Variants in GRM7 observed in about 807,000 individuals in gnomAD.
GRM7 encodes metabotropic glutamate receptor 7.
Under a neutral mutation model 84.5 loss-of-function variants are expected in GRM7, and 35 were observed. That is an observed-to-expected ratio of 0.41 (90% CI 0.32 to 0.55). The LOEUF (loss-of-function observed/expected upper bound fraction) is 0.55, where lower values mean the gene tolerates loss of function less well. Ranked by LOEUF, GRM7 falls within the 20% of genes least tolerant of loss-of-function variation. The pLI is 0.19. For synonymous variants in GRM7, 487 were observed against 455.1 expected, an observed-to-expected ratio of 1.07 and a Z score of -0.89; for missense variants, 1,003 against 1,194.6, an observed-to-expected ratio of 0.84 and a Z score of 2.36.
At chr3:7,130,543 CAAAAAAAAAAAGAAAA>C (rs1290628072) in intron 1 of GRM7, among the ~76,000 whole-genome samples, 1 of 79,176 alleles carries the variant, frequency 1.3e-5, no homozygotes, top group Non-Finnish European at 2.5e-5. Context: ...ATTCTTGTCT[CAAAAAAAAAAAGAAAA>C]GAAAAAAAAA....
chr3:6,868,375 G>T (rs146835487), intron 1 of GRM7, among the ~76,000 whole-genome samples: 147 of 152,262 alleles, frequency 9.7e-4, no homozygotes, highest in African/African-American at 3.4e-3. Context: ...TTGCTTAAGC[G>T]TATCTATTTA....
rs553496863 is a variant in GRM7 at position 7,132,676 on chromosome 3, G to A, written c.520-13776G>A. 4.6e-5 allele frequency among the ~76,000 whole-genome samples: 7 copies of A among 152,234 alleles called. No homozygotes were observed. In the South Asian group the frequency reaches 6.2e-4, roughly 14 times the overall value. On this transcript the variant is annotated intron_variant, in intron 1 of 9. Coordinates refer to ENST00000357716, the MANE Select transcript of GRM7 (RefSeq NM_000844.4). ...TTTTTTGTCAAGTAAGCCTCTTTCAGGAAATCAAAGGATCAACACAGATTT... is the reference window on the plus strand; with the variant it reads ...TTTTTTGTCAAGTAAGCCTCTTTCAAGAAATCAAAGGATCAACACAGATTT...
At chr3:7,039,214 G>C (rs234790) in intron 1 of GRM7, among the ~76,000 whole-genome samples, 57,317 of 152,062 alleles carry the variant, frequency 0.38, 12,401 homozygotes, top group East Asian at 0.51. Context: ...GAGTTTGCAT[G>C]GTTCCTTTCA....
rs1379610467 is a variant in GRM7, at chr3:6,866,077, A to G, written c.519+4170A>G. On this transcript the variant is annotated intron_variant, in intron 1 of 9. Coordinates refer to ENST00000357716, the MANE Select transcript of GRM7 (RefSeq NM_000844.4). ...ATCTCCATGTGTATTTCGTGTATAC[A>G]TACCCATGCAATTAAGATGTCTTTG... Among the ~76,000 whole-genome samples the G allele has an allele frequency of 2.0e-5, 3 of 152,358 alleles. No individual in the cohort carries two copies. In the East Asian group the frequency reaches 5.8e-4, roughly 29 times the overall value.
chr3:7,135,213 G>C (rs1693733952), intron 1 of GRM7, among the ~76,000 whole-genome samples: 1 of 152,188 alleles, frequency 6.6e-6, no homozygotes, highest in Admixed American at 6.5e-5. Flanking sequence ...CATCCTATGT[G>C]AGCAGAGATG....
At chr3:7,263,470 G>A (rs1698515052) in intron 2 of GRM7, among the ~76,000 whole-genome samples, 1 of 152,146 alleles carries the variant, frequency 6.6e-6, no homozygotes, top group Non-Finnish European at 1.5e-5. Context: ...CAGGGTGCTA[G>A]CAGGTGATGT....
chr3:6,964,103 G>A (rs997747083), intron 1 of GRM7, among the ~76,000 whole-genome samples: 3 of 152,120 alleles, frequency 2.0e-5, no homozygotes, highest in Non-Finnish European at 4.4e-5. Context: ...ATCAGCAATA[G>A]CCCCTTAATC....
At chr3:7,629,082 TA>T (rs879635133) in intron 8 of GRM7, among the ~76,000 whole-genome samples, 1 of 151,832 alleles carries the variant, frequency 6.6e-6, no homozygotes, top group Non-Finnish European at 1.5e-5. Context: ...GAAGGCTCTG[TA>T]AAAAAAAGGA....
chr3:7,484,341 A>T (rs1364393031), intron 7 of GRM7, among the ~76,000 whole-genome samples: 3 of 152,154 alleles, frequency 2.0e-5, no homozygotes, highest in Non-Finnish European at 4.4e-5. Context: ...TGCCAGTAGT[A>T]ATATTTTCTT....
rs1559313461 is a variant in GRM7, at chr3:7,426,126, C to CTTTTTCT, written c.1174+10968_1174+10969insCTTTTTT. The stretch of plus-strand genomic sequence containing the variant: ...TCTTTCTTTCTTTCTTTTTCTTTTT[C>CTTTTTCT]TTTTTTTTTTGAGATGGAGTTTTGC... On this transcript the variant is annotated intron_variant, in intron 5 of 9. Transcript: ENST00000357716. Among the ~76,000 whole-genome samples the CTTTTTCT allele has an allele frequency of 1.3e-3, 189 of 148,004 alleles. 1 individual carries two copies. The highest frequency in any genetic ancestry group is 4.1e-3 in the African/African-American group (165 of 40,370).
chr3:7,489,576 C>T (rs1238309568), intron 7 of GRM7, among the ~76,000 whole-genome samples: 3 of 152,090 alleles, frequency 2.0e-5, no homozygotes, highest in South Asian at 2.1e-4. Context: ...CAGGTGACTA[C>T]GTAGCTTGTG....
At chr3:6,904,188 T>C (rs1002388330) in intron 1 of GRM7, among the ~76,000 whole-genome samples, 6 of 152,192 alleles carry the variant, frequency 3.9e-5, no homozygotes, top group African/African-American at 7.2e-5. Flanking sequence ...TCTATTTTAT[T>C]CCTTACTCTG....
At chr3:6,888,552 C>T (rs1452534940) in intron 1 of GRM7, among the ~76,000 whole-genome samples, 17 of 151,948 alleles carry the variant, frequency 1.1e-4, no homozygotes, top group Admixed American at 4.6e-4. Context: ...AGATATGCAG[C>T]GTTATTTCTG....
Position 7,513,197 on chromosome 3 carries a change from T to C in GRM7, c.1515+51475T>C, listed in dbSNP as rs564465199. ...TTTCCCTCTAGGACTATGCAGTTAG[T>C]AGTGTCGTCAATTTCCACCTCTCAC... On this transcript the variant is annotated intron_variant, in intron 7 of 9. Transcript: ENST00000357716. 9.8e-5 allele frequency among the ~76,000 whole-genome samples: 15 copies of C among 152,286 alleles called. No homozygotes were observed. The South Asian group carries it at 2.1e-3, about 21-fold the overall frequency.
chr3:7,011,611 G>T (rs529431695), intron 1 of GRM7, among the ~76,000 whole-genome samples: 1 of 152,262 alleles, frequency 6.6e-6, no homozygotes, highest in South Asian at 2.1e-4. Context: ...CTCAATGCCA[G>T]TGGTTTTAGC....
rs1005330779 is a variant in GRM7, at chr3:7,726,339, C to T, written c.2699-14018C>T. 3.9e-5 allele frequency among the ~76,000 whole-genome samples: 6 copies of T among 152,050 alleles called. 1 individual carries two copies. In the Middle Eastern group the frequency reaches 0.01, roughly 259 times the overall value. On this transcript the variant is annotated intron_variant, in intron 9 of 9. Coordinates refer to ENST00000357716, the MANE Select transcript of GRM7 (RefSeq NM_000844.4). ...CTCAGGCCTGAGAGACGGTCACTGT[C>T]ATCTACCTATATCTTGTTGTTAAAA...
chr3:7,700,292 A>C (rs369916842), intron 9 of GRM7, among the ~76,000 whole-genome samples: 2 of 152,208 alleles, frequency 1.3e-5, no homozygotes, highest in South Asian at 4.1e-4. Context: ...CCAGAAGGAC[A>C]GTGGAAGCTG....
intron 1 of GRM7, among the ~76,000 whole-genome samples, chr3:7,123,653 A>G (rs751610770): frequency 6.6e-6 from 1 of 151,988 alleles, no homozygotes; most frequent in Non-Finnish European, 1.5e-5. Flanking sequence ...TGCATTGTTC[A>G]GGAATGCACT....
At chr3:7,025,079 G>C (rs1388077630) in intron 1 of GRM7, among the ~76,000 whole-genome samples, 2 of 152,136 alleles carry the variant, frequency 1.3e-5, no homozygotes, top group African/African-American at 4.8e-5. Context: ...GCCTCTGTTT[G>C]TCATCAAAAC....
Sources: allele counts gnomAD v4.1 joint callset (sites outside exome capture counted in the v4.1 genomes callset), GRCh38; gene constraint gnomAD v4.1.1; transcripts MANE v1.5; gene names NCBI Gene and HGNC (gene_info 2026-07-23, HGNC 2026-07-21).